Variants in SLC12A6 observed in about 807,000 individuals in gnomAD.
The protein encoded by SLC12A6 is solute carrier family 12 member 6.
SLC12A6 carries 66 observed loss-of-function variants against 135.3 expected under a neutral mutation model. That is an observed-to-expected ratio of 0.49 (90% CI 0.40 to 0.60). The LOEUF (loss-of-function observed/expected upper bound fraction) is 0.60. Among genes scored for constraint, SLC12A6 ranks in the 20% least tolerant of loss-of-function variants. SLC12A6 has a pLI of 0.00. For synonymous variants in SLC12A6, 513 were observed against 508.8 expected, an observed-to-expected ratio of 1.01 and a Z score of -0.11; for missense variants, 1,058 against 1,452.3, an observed-to-expected ratio of 0.73 and a Z score of 4.41.
At chr15:34,318,168 T>C (rs1183956039) in intron 2 of SLC12A6, among the ~76,000 whole-genome samples, 2 of 152,252 alleles carry the variant, frequency 1.3e-5, no homozygotes, top group Non-Finnish European at 2.9e-5. Flanking sequence ...TATAATATTA[T>C]GTAAACTGCT....
intron 2 of SLC12A6, among the ~76,000 whole-genome samples, chr15:34,327,267 T>C (rs539139154): frequency 1.8e-4 from 28 of 152,324 alleles, no homozygotes; most frequent in Admixed American, 5.9e-4. Flanking sequence ...ATTTGAAATG[T>C]AGCATGCTGC....
chr15:34,319,777 C>A (rs1003027075), intron 2 of SLC12A6, among the ~76,000 whole-genome samples: 3 of 147,766 alleles, frequency 2.0e-5, no homozygotes, highest in Admixed American at 6.9e-5. Context: ...CCAGCCTGAG[C>A]GACAGAGCGA....
Position 34,258,913 on chromosome 15 carries a change from G to C in SLC12A6, c.443C>G (p.Ser148Cys). 6.2e-7 allele frequency: 1 copy of C among 1,610,842 alleles called. No individual in the cohort carries two copies. Among genetic ancestry groups the C allele is most frequent in the Non-Finnish European group, 8.5e-7 (1 of 1,177,016 alleles). ...GTAATTGGCCATGCGGTTGAGGAGGGAAGACACCTTCGGTCTGGTGTCCAT... is the reference window on the plus strand; with the variant it reads ...GTAATTGGCCATGCGGTTGAGGAGGCAAGACACCTTCGGTCTGGTGTCCAT... ...EEMDTRPKVS[S>C]LLNRMANYTN... The change falls in exon 5 of 26, where the codon TCC becomes TGC. Residue 148 changes from serine (S) to cysteine (C), a missense_variant. This residue lies in a region of SLC12A6 where 139 missense variants were observed against 202.2 expected (regional missense o/e 0.69). Transcript: ENST00000354181.
chr15:34,325,253 A>C (rs1350365054), intron 2 of SLC12A6, among the ~76,000 whole-genome samples: 4 of 152,224 alleles, frequency 2.6e-5, no homozygotes, highest in Admixed American at 2.6e-4. Flanking sequence ...TATTTATCAT[A>C]TTCAGCAAAC....
At chr15:34,241,033 G>C in intron 18 of SLC12A6, 200 bp downstream of exon 18, 1 of 651,638 alleles carries the variant, frequency 1.5e-6, no homozygotes, top group South Asian at 1.8e-5. Context: ...CTTCAAGGAA[G>C]AATAATAAAT....
At chr15:34,270,244 T>C (rs986044805) in intron 3 of SLC12A6, among the ~76,000 whole-genome samples, 9 of 151,640 alleles carry the variant, frequency 5.9e-5, no homozygotes, top group African/African-American at 2.2e-4. Context: ...TGTGCCACCA[T>C]GCCAGGCTAA....
chr15:34,280,588 T>C (rs1029246301), intron 2 of SLC12A6, among the ~76,000 whole-genome samples: 5 of 152,160 alleles, frequency 3.3e-5, no homozygotes, highest in Middle Eastern at 3.2e-3. Context: ...TAAACTAGTA[T>C]AGCCACTAAG....
chr15:34,318,196 A>G (rs934156861), intron 2 of SLC12A6, among the ~76,000 whole-genome samples: 4 of 152,236 alleles, frequency 2.6e-5, no homozygotes, highest in African/African-American at 7.2e-5. Context: ...AATGTCATCC[A>G]CTCGGTGGGT....
At chr15:34,280,586 T>G (rs1894609832) in intron 2 of SLC12A6, among the ~76,000 whole-genome samples, 1 of 152,148 alleles carries the variant, frequency 6.6e-6, no homozygotes, top group African/African-American at 2.4e-5. Flanking sequence ...TGTAAACTAG[T>G]ATAGCCACTA....
At chr15:34,291,599 C>G (rs1208571398) in intron 2 of SLC12A6, among the ~76,000 whole-genome samples, 1 of 152,134 alleles carries the variant, frequency 6.6e-6, no homozygotes, top group African/African-American at 2.4e-5. Context: ...TTTCATTCTC[C>G]CTGTCACTTT....
At chr15:34,316,687 A>T (rs1026907181) in intron 2 of SLC12A6, among the ~76,000 whole-genome samples, 6 of 152,238 alleles carry the variant, frequency 3.9e-5, no homozygotes, top group African/African-American at 1.4e-4. Flanking sequence ...ACTCATTACA[A>T]AGTTGGGTAC....
intron 12 of SLC12A6, 73 bp downstream of exon 12, chr15:34,250,558 A>G: frequency 1.1e-6 from 1 of 905,736 alleles, no homozygotes; most frequent in Non-Finnish European, 1.9e-6. Flanking sequence ...TTACCAGGAT[A>G]AAAATACTGA....
At chr15:34,241,960 A>T in intron 17 of SLC12A6, 142 bp downstream of exon 17, 2 of 685,990 alleles carry the variant, frequency 2.9e-6, no homozygotes, top group Non-Finnish European at 5.3e-6. Context: ...CATCATTAAG[A>T]TGGTTAAAGA....
Position 34,258,817 on chromosome 15 carries a change from G to GT in SLC12A6, c.538dup (p.Thr180AsnfsTer65). On this transcript the variant is annotated frameshift_variant, in exon 5 of 26. Transcript: ENST00000354181. LOFTEE classifies it high-confidence loss of function. ...CTTGTTATTCTGAGGCCTCACCTTG[G>GT]TGGGCTTCTTTTTCCCTTCAGTGAT... The GT allele has an allele frequency of 6.2e-7, 1 of 1,613,072 alleles. No homozygotes were observed. Among genetic ancestry groups the GT allele is most frequent in the Non-Finnish European group, 8.5e-7 (1 of 1,179,126 alleles).
At chr15:34,298,314 A>C (rs867833948) in intron 2 of SLC12A6, among the ~76,000 whole-genome samples, 5 of 152,102 alleles carry the variant, frequency 3.3e-5, no homozygotes, top group Middle Eastern at 3.4e-3. Flanking sequence ...GTTTCTACTA[A>C]AAATACAAAA....
rs939292614 is a variant in SLC12A6 at position 34,303,057 on chromosome 15, T to A, written c.272-27668A>T. ...TGTGGAAACATATTTCACATTTTCA[T>A]TTTAAAGATGGTTTTGGAAAAATAA... On this transcript the variant is annotated intron_variant, in intron 2 of 25. Coordinates refer to ENST00000354181, the MANE Select transcript of SLC12A6 (RefSeq NM_001365088.1). 2.0e-5 allele frequency among the ~76,000 whole-genome samples: 3 copies of A among 152,086 alleles called. No individual in the cohort carries two copies. The South Asian group carries it at 6.2e-4, about 31-fold the overall frequency.
chr15:34,245,836 C>A lies in SLC12A6; in HGVS notation c.1681G>T (p.Val561Leu). The A allele has an allele frequency of 6.2e-7, 1 of 1,613,370 alleles. No individual in the cohort carries two copies. The highest frequency in any genetic ancestry group is 8.5e-7 in the Non-Finnish European group (1 of 1,179,422). Residue 561 changes from valine to leucine, a missense_variant, in exon 14 of 26, where the codon GTA becomes TTA. Coordinates refer to ENST00000354181, the MANE Select transcript of SLC12A6 (RefSeq NM_001365088.1). Reference sequence around the variant, plus strand: ...GGGGATGGCCAAGATAAGGTGCCTACCACCAAATTACCTTTCACAGCATCA... The same window carrying A: ...GGGGATGGCCAAGATAAGGTGCCTAACACCAAATTACCTTTCACAGCATCA... The part of the protein sequence containing the change: ...FGDAVKGNLV[V>L]GTLSWPSPWV...
chr15:34,267,764 G>A (rs946588653), intron 3 of SLC12A6, among the ~76,000 whole-genome samples: 1 of 152,116 alleles, frequency 6.6e-6, no homozygotes, highest in Non-Finnish European at 1.5e-5. Context: ...CTGTCATTCT[G>A]TTGTTCCTTT....
chr15:34,295,170 C>A (rs1412587890), intron 2 of SLC12A6, among the ~76,000 whole-genome samples: 2 of 152,106 alleles, frequency 1.3e-5, no homozygotes, highest in Non-Finnish European at 2.9e-5. Context: ...TTCCATTTTA[C>A]AGGAAAGGCA....
Sources: allele counts gnomAD v4.1 joint callset (sites outside exome capture counted in the v4.1 genomes callset), GRCh38; gene constraint gnomAD v4.1.1; regional missense constraint gnomAD v4.1.1; transcripts MANE v1.5; gene names NCBI Gene and HGNC (gene_info 2026-07-23, HGNC 2026-07-21).